CELSR1: variants seen among roughly 807,000 people sequenced by gnomAD.
CELSR1 encodes the protein cadherin EGF LAG seven-pass G-type receptor 1.
CELSR1 carries 110 observed loss-of-function variants against 249.1 expected under a neutral mutation model. That is an observed-to-expected ratio of 0.44 (90% CI 0.38 to 0.52). The LOEUF (loss-of-function observed/expected upper bound fraction) is 0.52. Ranked by LOEUF, CELSR1 falls within the 20% of genes least tolerant of loss-of-function variation. CELSR1 has a pLI of 0.00. For synonymous variants in CELSR1, 2,113 were observed against 1,900.0 expected (o/e 1.11, Z -2.92); for missense variants, 4,109 against 4,296.4 (o/e 0.96, Z 1.22).
Position 46,410,318 on chromosome 22 carries a change from A to G in CELSR1, c.4933+80T>C. On this transcript the variant is annotated intron_variant, in intron 7 of 34. Coordinates refer to ENST00000674500, the MANE Select transcript of CELSR1 (RefSeq NM_001378328.1). The surrounding 1 kb of genome is among the most constrained non-coding windows in gnomAD (Gnocchi z 6.8). ...AAAACACGGCTCCCCAGGGATCTGCAAGCAGTGACCTCTGTGTGGCTGCCG... is the reference window on the plus strand; with the variant it reads ...AAAACACGGCTCCCCAGGGATCTGCGAGCAGTGACCTCTGTGTGGCTGCCG... 3 of 1,541,402 alleles carry G rather than the reference A, an allele frequency of 1.9e-6. No individual in the cohort carries two copies. The highest frequency in any genetic ancestry group is 1.2e-5 in the South Asian group (1 of 86,412).
rs980852518 is a variant in CELSR1, at chr22:46,535,257, C to G, written c.1914G>C (p.Trp638Cys). Reference sequence around the variant, plus strand: ...GGTCCAGCTCGGCACACACTGTGATCCAACCGGAGCTGTTGTGGATCTGGA... The same window carrying G: ...GGTCCAGCTCGGCACACACTGTGATGCAACCGGAGCTGTTGTGGATCTGGA... The part of the protein sequence containing the change: ...FPFQIHNSSG[W>C]ITVCAELDRE... The change falls in exon 1 of 35, where the codon TGG (tryptophan) becomes TGC (cysteine). Residue 638 changes from tryptophan (W) to cysteine (C), a missense_variant. Around this residue, in one of 7 missense-constraint regions of CELSR1, gnomAD observed 886 missense variants for 896.5 expected, o/e 0.99. Coordinates refer to ENST00000674500, the MANE Select transcript of CELSR1 (RefSeq NM_001378328.1). 6 of 1,610,050 alleles carry G rather than the reference C, an allele frequency of 3.7e-6. No individual in the cohort carries two copies. The highest frequency in any genetic ancestry group is 5.1e-6 in the Non-Finnish European group (6 of 1,180,004).
intron 1 of CELSR1, among the ~76,000 whole-genome samples, chr22:46,531,859 T>TG (rs985715091): frequency 6.6e-6 from 1 of 152,014 alleles, no homozygotes; most frequent in African/African-American, 2.4e-5. Context: ...GGTGGTGGTC[T>TG]GGGGGGTGGT....
At chr22:46,388,676 A>G (rs942149415) in intron 18 of CELSR1, among the ~76,000 whole-genome samples, 2 of 152,238 alleles carry the variant, frequency 1.3e-5, no homozygotes, top group Non-Finnish European at 2.9e-5. Flanking sequence ...AGCCACAACG[A>G]AACTTCTGGA....
chr22:46,389,964 C>CA (rs1181063358), intron 17 of CELSR1, among the ~76,000 whole-genome samples: 2 of 151,786 alleles, frequency 1.3e-5, no homozygotes, highest in African/African-American at 4.8e-5. Flanking sequence ...AAAAAAGAAA[C>CA]AAAAAACAAA....
intron 1 of CELSR1, among the ~76,000 whole-genome samples, chr22:46,481,062 C>T (rs2080260752): frequency 1.3e-5 from 2 of 152,106 alleles, no homozygotes; most frequent in Admixed American, 6.5e-5. Context: ...TGGTGAAACC[C>T]TGTCTCTACT....
At chr22:46,481,749 C>G (rs2080268856) in intron 1 of CELSR1, 1 of 478,368 alleles carries the variant, frequency 2.1e-6, no homozygotes, top group Non-Finnish European at 3.8e-6. Flanking sequence ...CAGTGGCAAC[C>G]CTGTGCTGCC....
chr22:46,397,231 G>A (rs1051377446), intron 12 of CELSR1, among the ~76,000 whole-genome samples: 2 of 148,540 alleles, frequency 1.3e-5, no homozygotes, highest in South Asian at 2.1e-4. Context: ...AGCCTCCCAC[G>A]TAGCTAGGAC....
chr22:46,530,156 T>C lies in CELSR1; in HGVS notation c.3544+3471A>G, dbSNP rs911378233. Reference sequence around the variant, plus strand: ...GAGACCTTGTCTCTATTACAAATAATTAAAAAAAAAATCAGCCAGGTGTGG... The same window carrying C: ...GAGACCTTGTCTCTATTACAAATAACTAAAAAAAAAATCAGCCAGGTGTGG... On this transcript the variant is annotated intron_variant, in intron 1 of 34. Coordinates refer to ENST00000674500, the MANE Select transcript of CELSR1 (RefSeq NM_001378328.1). Among the ~76,000 whole-genome samples, 7 of 144,018 alleles carry C rather than the reference T, an allele frequency of 4.9e-5. No homozygotes were observed. In the East Asian group the frequency reaches 1.2e-3, roughly 25 times the overall value. The allele number at this position is 144,018 out of a possible 152,430, so 94.5% of individuals were successfully genotyped here. A position where few individuals can be genotyped will look rare whatever the true frequency, so the allele number is the denominator to read the frequency against.
Position 46,488,426 on chromosome 22 carries a change from G to T in CELSR1, c.3545-24081C>A, listed in dbSNP as rs567906059. Among the ~76,000 whole-genome samples, 1 of 152,154 alleles carries T rather than the reference G, an allele frequency of 6.6e-6. No homozygotes were observed. The highest frequency in any genetic ancestry group is 2.1e-4 in the South Asian group (1 of 4,836). ...GGCGAGTGCAGCACAGGAGGCCACC[G>T]TAGTGCCATAGAGCGTGCACCTAGG... On this transcript the variant is annotated intron_variant, in intron 1 of 34. Coordinates refer to ENST00000674500, the MANE Select transcript of CELSR1 (RefSeq NM_001378328.1). This position sits in a 1 kb window ranked among gnomAD's most constrained non-coding sequence, Gnocchi z 4.7.
Position 46,410,619 on chromosome 22 carries a change from G to C in CELSR1, c.4770-58C>G, listed in dbSNP as rs541104738. 2,409 of 1,573,028 alleles carry C rather than the reference G, an allele frequency of 1.5e-3. 29 individuals carry two copies. Among genetic ancestry groups the C allele is most frequent in the Non-Finnish European group, 6.7e-4 (769 of 1,147,990 alleles). On this transcript the variant is annotated intron_variant, in intron 6 of 34. Coordinates refer to ENST00000674500, the MANE Select transcript of CELSR1 (RefSeq NM_001378328.1). This position sits in a 1 kb window ranked among gnomAD's most constrained non-coding sequence, Gnocchi z 6.8. ...GGGCGGGGAGAGGCGGCCACGGCGG[G>C]CTGGGCTCCGCAGTTGCCTCTGTGT...
At position 46,534,952 on chromosome 22, in the gene CELSR1, C is replaced by T; in HGVS notation, c.2219G>A (p.Gly740Glu). The part of the protein sequence containing the change: ...RNRFALSSQR[G>E]GGLITLALPL... ...TAGCGCCAGGGTGATGAGGCCGCCC[C>T]CTCTCTGGCTGCTGAGTGCAAAGCG... The change falls in exon 1 of 35, where the codon GGG becomes GAG. Residue 740 changes from glycine (G) to glutamate (E), a missense_variant. Physicochemically the swap from Gly to Glu is moderately conservative, Grantham distance 98 (BLOSUM62 -2). Transcript: ENST00000674500. This position sits in a 1 kb window ranked among gnomAD's most constrained non-coding sequence, Gnocchi z 9.7. The T allele has an allele frequency of 1.2e-6, 2 of 1,612,482 alleles. No individual in the cohort carries two copies. Among genetic ancestry groups the T allele is most frequent in the Non-Finnish European group, 1.7e-6 (2 of 1,179,910 alleles).
rs911192050 is a variant in CELSR1 at position 46,534,341 on chromosome 22, C to G, written c.2830G>C (p.Glu944Gln). Residue 944 changes from glutamate (E) to glutamine (Q), a missense_variant, in exon 1 of 35, where the codon GAG (glutamate) becomes CAG (glutamine). By Grantham distance (29) the Glu-to-Gln change is conservative (BLOSUM62 2). Coordinates refer to ENST00000674500, the MANE Select transcript of CELSR1 (RefSeq NM_001378328.1). This position sits in a 1 kb window ranked among gnomAD's most constrained non-coding sequence, Gnocchi z 9.7. ...GDDGDGDFYIEPTSGVIRTQR... is the reference protein window; with the variant it reads ...GDDGDGDFYIQPTSGVIRTQR... ...GTGCGAATCACACCGGACGTGGGCT[C>G]GATGTAGAAGTCCCCATCGCCGTCG... is the stretch of plus-strand genomic sequence containing the variant. 6.2e-7 allele frequency: 1 copy of G among 1,612,958 alleles called. No individual in the cohort carries two copies. The highest frequency in any genetic ancestry group is 8.5e-7 in the Non-Finnish European group (1 of 1,180,030).
In CELSR1 at chr22:46,397,886, G is replaced by A. The variant is rs760979; in HGVS notation, c.5527-38C>T. 4,773 of 1,474,100 alleles carry A rather than the reference G, an allele frequency of 3.2e-3. 125 individuals are homozygous for A. The African/African-American group carries it at 0.058, about 18-fold the overall frequency. 91.3% of individuals were successfully genotyped at this position (1,474,100 alleles called of 1,614,324 possible). ...AACGGCACTGGGGCTACAGGAGCCC[G>A]GAAAGGTATGTAGGGGTTAAGGGAA... On this transcript the variant is annotated intron_variant, in intron 11 of 34. Coordinates refer to ENST00000674500, the MANE Select transcript of CELSR1 (RefSeq NM_001378328.1).
In CELSR1 at chr22:46,472,204, G is replaced by A. The variant is rs1311796885; in HGVS notation, c.3545-7859C>T. ...AGGCTGCGGGGCCCTCCTGGCAGGTGCTGTACAAACGTGAACCACATCATG... is the reference window on the plus strand; with the variant it reads ...AGGCTGCGGGGCCCTCCTGGCAGGTACTGTACAAACGTGAACCACATCATG... On this transcript the variant is annotated intron_variant, in intron 1 of 34. Coordinates refer to ENST00000674500, the MANE Select transcript of CELSR1 (RefSeq NM_001378328.1). The surrounding 1 kb of genome is among the most constrained non-coding windows in gnomAD (Gnocchi z 7.0). Among the ~76,000 whole-genome samples, 1 of 152,238 alleles carries A rather than the reference G, an allele frequency of 6.6e-6. No homozygotes were observed. Among genetic ancestry groups the A allele is most frequent in the Non-Finnish European group, 1.5e-5 (1 of 68,048 alleles).
In CELSR1 at chr22:46,480,798, A is replaced by G. The variant is rs531764577; in HGVS notation, c.3545-16453T>C. ...ATATAAGCTCTAAAACTCTCCTGTA[A>G]TATCTCTGACCCAATTTAGCACCAC... On this transcript the variant is annotated intron_variant, in intron 1 of 34. Coordinates refer to ENST00000674500, the MANE Select transcript of CELSR1 (RefSeq NM_001378328.1). Among the ~76,000 whole-genome samples, 106 of 152,344 alleles carry G rather than the reference A, an allele frequency of 7.0e-4. 3 individuals carry two copies. The Middle Eastern group carries it at 0.014, about 20-fold the overall frequency.
rs1275224213 is a variant in CELSR1 at position 46,509,554 on chromosome 22, A to G, written c.3544+24073T>C. Among the ~76,000 whole-genome samples, 3 of 19,868 alleles carry G rather than the reference A, an allele frequency of 1.5e-4. No homozygotes were observed. In the South Asian group the frequency reaches 2.7e-3, roughly 18 times the overall value. The allele number at this position is 19,868 out of a possible 152,430, so 13.0% of individuals were successfully genotyped here. A position where few individuals can be genotyped will look rare whatever the true frequency, so the allele number is the denominator to read the frequency against. On this transcript the variant is annotated intron_variant, in intron 1 of 34. Coordinates refer to ENST00000674500, the MANE Select transcript of CELSR1 (RefSeq NM_001378328.1). Reference sequence around the variant, plus strand: ...TCAACTGGACAGTGGGTGCTACTGGACCCCATTACGTGGTAGGTAAAGGCC... The same window carrying G: ...TCAACTGGACAGTGGGTGCTACTGGGCCCCATTACGTGGTAGGTAAAGGCC...
chr22:46,416,782 C>T (rs1203127819), intron 5 of CELSR1, among the ~76,000 whole-genome samples: 1 of 152,206 alleles, frequency 6.6e-6, no homozygotes, highest in African/African-American at 2.4e-5. Context: ...TCCCTGCGTG[C>T]AGGCCCTCCT....
rs745642601 is a variant in CELSR1, at chr22:46,381,303, C to T, written c.7089-348G>A. On this transcript the variant is annotated intron_variant, in intron 21 of 34. Coordinates refer to ENST00000674500, the MANE Select transcript of CELSR1 (RefSeq NM_001378328.1). The surrounding 1 kb of genome is among the most constrained non-coding windows in gnomAD (Gnocchi z 6.0). The stretch of plus-strand genomic sequence containing the variant: ...GCAAAAGACACCAAAATAATGGCAG[C>T]TCATGGGGATGAATCACCCAGTCAC... 3.3e-5 allele frequency among the ~76,000 whole-genome samples: 5 copies of T among 152,230 alleles called. No homozygotes were observed. The highest frequency in any genetic ancestry group is 7.3e-5 in the Non-Finnish European group (5 of 68,046).
At chr22:46,435,560 G>C (rs2079649866) in intron 4 of CELSR1, among the ~76,000 whole-genome samples, 1 of 152,126 alleles carries the variant, frequency 6.6e-6, no homozygotes, top group Admixed American at 6.6e-5. Context: ...GGGGATTACA[G>C]GCATGAGCCA....
Sources: gnomAD v4.1 joint callset for allele counts (sites outside exome capture counted in the v4.1 genomes callset) on GRCh38, gnomAD v4.1.1 for gene constraint, gnomAD v4.1.1 regional missense constraint, Gnocchi (gnomAD v3.1) non-coding constraint, MANE v1.5 for transcripts, NCBI Gene and HGNC (gene_info 2026-07-23, HGNC 2026-07-21) for gene names.